The following CCDC91 variants were observed in gnomAD, a reference collection of about 807,000 sequenced individuals.
CCDC91 encodes coiled-coil domain containing 91.
Under a neutral mutation model 63.2 loss-of-function variants are expected in CCDC91, and 48 were observed. The observed-to-expected ratio is 0.76, with a 90% CI of 0.60 to 0.97. The LOEUF (loss-of-function observed/expected upper bound fraction) is 0.97, where lower values mean the gene tolerates loss of function less well. Ranked by LOEUF, CCDC91 falls within the 50% of genes least tolerant of loss-of-function variation. The pLI is 0.00. For synonymous variants in CCDC91, 167 were observed against 165.8 expected (o/e 1.01, Z -0.06); for missense variants, 500 against 494.6 (o/e 1.01, Z -0.10).
At chr12:28,291,664 A>G (rs1178989826) in intron 3 of CCDC91, among the ~76,000 whole-genome samples, 2 of 152,182 alleles carry the variant, frequency 1.3e-5, no homozygotes, top group African/African-American at 2.4e-5. Flanking sequence ...TTTTTGTTGC[A>G]TGTCACAATC....
rs1334000317 is a variant in CCDC91, at chr12:28,304,457, TTA to T, written c.110-1187_110-1186del. Among the ~76,000 whole-genome samples, 8 of 147,964 alleles carry T rather than the reference TTA, an allele frequency of 5.4e-5. No homozygotes were observed. The East Asian group carries it at 1.6e-3, about 29-fold the overall frequency. On this transcript the variant is annotated intron_variant, in intron 3 of 12. Coordinates refer to ENST00000536442, the MANE Select transcript of CCDC91 (RefSeq NM_018318.5). ...TATGGGTGAAGCTAGACTATATTAA[TTA>T]TATAGTATGGCACATAATATGTCAA... is the stretch of plus-strand genomic sequence containing the variant.
At chr12:28,269,665 G>A (rs182013575) in intron 3 of CCDC91, among the ~76,000 whole-genome samples, 23 of 152,244 alleles carry the variant, frequency 1.5e-4, no homozygotes, top group African/African-American at 5.3e-4. Context: ...GTTTAGAAAT[G>A]TGTAGGATTT....
At chr12:28,210,780 C>T (rs908319236) in intron 1 of CCDC91, among the ~76,000 whole-genome samples, 1 of 151,484 alleles carries the variant, frequency 6.6e-6, no homozygotes, top group Non-Finnish European at 1.5e-5. Context: ...TGGTAAAGGA[C>T]ACCCAAATAT....
intron 8 of CCDC91, among the ~76,000 whole-genome samples, chr12:28,427,473 C>T (rs1395563922): frequency 1.3e-5 from 2 of 152,260 alleles, no homozygotes; most frequent in South Asian, 2.1e-4. Flanking sequence ...AGTATGAGAG[C>T]AACTAACCCC....
chr12:28,442,218 G>A (rs1949263058), intron 8 of CCDC91, among the ~76,000 whole-genome samples: 1 of 152,120 alleles, frequency 6.6e-6, no homozygotes, highest in South Asian at 2.1e-4. Context: ...AGGATGCGTT[G>A]TCATTCTCTA....
intron 12 of CCDC91, among the ~76,000 whole-genome samples, chr12:28,536,734 T>C (rs1450359349): frequency 6.6e-6 from 1 of 152,200 alleles, no homozygotes; most frequent in Non-Finnish European, 1.5e-5. Flanking sequence ...TTAATGCTTT[T>C]ATTATCATTG....
intron 11 of CCDC91, among the ~76,000 whole-genome samples, chr12:28,459,519 T>C (rs1276511639): frequency 6.6e-6 from 1 of 152,170 alleles, no homozygotes; most frequent in Admixed American, 6.6e-5. Context: ...ATTAGAGTTA[T>C]TTAAAATAGT....
At chr12:28,329,834 C>G (rs1435215387) in intron 6 of CCDC91, among the ~76,000 whole-genome samples, 2 of 152,078 alleles carry the variant, frequency 1.3e-5, no homozygotes, top group Non-Finnish European at 2.9e-5. Context: ...TCTCATTGTT[C>G]AGTTCCCACC....
At chr12:28,411,712 GA>G (rs1162223169) in intron 8 of CCDC91, among the ~76,000 whole-genome samples, 1 of 152,110 alleles carries the variant, frequency 6.6e-6, no homozygotes, top group African/African-American at 2.4e-5. Context: ...TAATAGAAAA[GA>G]AATTTTCCTA....
intron 6 of CCDC91, among the ~76,000 whole-genome samples, chr12:28,354,256 A>T (rs1417883703): frequency 6.6e-6 from 1 of 152,024 alleles, no homozygotes; most frequent in Non-Finnish European, 1.5e-5. Context: ...TTAGTGACTG[A>T]TACTCTTCAG....
At chr12:28,218,346 TAGAA>T (rs978539865) in intron 1 of CCDC91, among the ~76,000 whole-genome samples, 7 of 152,156 alleles carry the variant, frequency 4.6e-5, no homozygotes, top group Non-Finnish European at 7.4e-5. Context: ...AAGTCTCTAA[TAGAA>T]AGCTCGTTTT....
At chr12:28,259,724 G>A (rs780030145) in intron 3 of CCDC91, among the ~76,000 whole-genome samples, 1 of 151,818 alleles carries the variant, frequency 6.6e-6, no homozygotes, top group Admixed American at 6.6e-5. Flanking sequence ...TTTTTGGAAG[G>A]TGAGGTGCCC....
intron 8 of CCDC91, among the ~76,000 whole-genome samples, chr12:28,427,309 C>T (rs1267023248): frequency 2.0e-5 from 3 of 152,104 alleles, no homozygotes; most frequent in Non-Finnish European, 4.4e-5. Context: ...GATAAAGTAT[C>T]TTCACCTGAA....
chr12:28,284,445 G>T (rs1948790628), intron 3 of CCDC91, among the ~76,000 whole-genome samples: 1 of 152,064 alleles, frequency 6.6e-6, no homozygotes, highest in Non-Finnish European at 1.5e-5. Flanking sequence ...CTGAGGTCAG[G>T]AGTTCAAGAC....
chr12:28,482,973 T>C (rs1175103049), intron 11 of CCDC91, among the ~76,000 whole-genome samples: 1 of 151,942 alleles, frequency 6.6e-6, no homozygotes, highest in Non-Finnish European at 1.5e-5. Flanking sequence ...GTCCAAGATA[T>C]AAGTAAAAAA....
In CCDC91 at chr12:28,502,956, G is replaced by A. The variant is rs1319994315; in HGVS notation, c.1215+18791G>A. Among the ~76,000 whole-genome samples the A allele has an allele frequency of 7.4e-5, 11 of 149,478 alleles. No homozygotes were observed. The East Asian group carries it at 7.9e-4, about 11-fold the overall frequency. Reference sequence around the variant, plus strand: ...TTCAAGATGGATTAAAGACTTAAACGTTAGACCTAAAACCATAAAAACCCT... The same window carrying A: ...TTCAAGATGGATTAAAGACTTAAACATTAGACCTAAAACCATAAAAACCCT... On this transcript the variant is annotated intron_variant, in intron 12 of 12. Transcript: ENST00000536442.
chr12:28,201,414 CA>C (rs1942371514), intron 1 of CCDC91, among the ~76,000 whole-genome samples: 1 of 137,744 alleles, frequency 7.3e-6, no homozygotes, highest in South Asian at 2.3e-4. Flanking sequence ...AGGCTCTCCC[CA>C]CATCTCAGAC....
At chr12:28,270,325 G>C (rs1947671816) in intron 3 of CCDC91, among the ~76,000 whole-genome samples, 1 of 152,102 alleles carries the variant, frequency 6.6e-6, no homozygotes, top group South Asian at 2.1e-4. Flanking sequence ...TAATCCTATA[G>C]AAAGTTTGCT....
intron 11 of CCDC91, among the ~76,000 whole-genome samples, chr12:28,481,240 C>T (rs1454122071): frequency 1.3e-5 from 2 of 151,832 alleles, no homozygotes; most frequent in African/African-American, 4.8e-5. Context: ...CCTTTCATTC[C>T]AAACTATTCA....
Sources: gnomAD v4.1 joint callset for allele counts (sites outside exome capture counted in the v4.1 genomes callset) on GRCh38, gnomAD v4.1.1 for gene constraint, MANE v1.5 for transcripts, NCBI Gene and HGNC (gene_info 2026-07-23, HGNC 2026-07-21) for gene names.